The following XDH variants were observed in gnomAD, a reference collection of about 807,000 sequenced individuals.
XDH encodes the protein xanthine dehydrogenase/oxidase.
XDH carries 138 observed loss-of-function variants against 156.1 expected under a neutral mutation model. That is an observed-to-expected ratio of 0.88 (90% CI 0.77 to 1.02). The LOEUF (loss-of-function observed/expected upper bound fraction) is 1.02, where lower values mean the gene tolerates loss of function less well. XDH is among the 50% of genes least tolerant of loss of function. The probability of loss-of-function intolerance (pLI) is 0.00; values close to 1 mark genes in which losing one functional copy is unlikely to be tolerated. For missense variants in XDH, 1,849 were observed against 1,684.9 expected (o/e 1.10, Z -1.71); for synonymous variants, 669 against 625.7 (o/e 1.07, Z -1.03).
intron 30 of XDH, among the ~76,000 whole-genome samples, chr2:31,345,341 A>G (rs561474904): frequency 1.3e-5 from 2 of 152,302 alleles, no homozygotes; most frequent in East Asian, 1.9e-4. Flanking sequence ...GGTACTTCAC[A>G]TGTTCACCTT....
intron 24 of XDH, among the ~76,000 whole-genome samples, chr2:31,357,382 C>T (rs1282348691): frequency 1.3e-5 from 2 of 152,038 alleles, no homozygotes; most frequent in Non-Finnish European, 1.5e-5. Flanking sequence ...CACAAATTAC[C>T]AAATCAGGAT....
At chr2:31,385,892 A>G (rs1229404562) in intron 9 of XDH, among the ~76,000 whole-genome samples, 1 of 152,134 alleles carries the variant, frequency 6.6e-6, no homozygotes, top group Non-Finnish European at 1.5e-5. Flanking sequence ...AGCGACATTT[A>G]TGGAACCTCT....
chr2:31,344,423 T>C (rs45613632), intron 31 of XDH, among the ~76,000 whole-genome samples: 2,448 of 152,330 alleles, frequency 0.016, 63 homozygotes, highest in African/African-American at 0.057. Flanking sequence ...TGACTTCCTC[T>C]GGTGAAATTG....
chr2:31,412,469 C>A (rs964106618), intron 1 of XDH, among the ~76,000 whole-genome samples: 2 of 152,016 alleles, frequency 1.3e-5, no homozygotes, highest in Admixed American at 6.5e-5. Flanking sequence ...ACATCACACA[C>A]CGGGGCCTGT....
Position 31,365,486 on chromosome 2 carries a change from C to T in XDH, c.2515G>A (p.Gly839Ser). Residue 839 changes from glycine to serine, a missense_variant, in exon 23 of 36, where the codon GGC becomes AGC. Gly to Ser is a moderately conservative substitution (Grantham distance 56). Coordinates refer to ENST00000379416, the MANE Select transcript of XDH (RefSeq NM_000379.4). ...TATCTGGCCAGGAAGGGATGTCTGCCACCAGTTATCAGCATGTCCTCATCA... is the reference window on the plus strand; with the variant it reads ...TATCTGGCCAGGAAGGGATGTCTGCTACCAGTTATCAGCATGTCCTCATCA... ...DRDEDMLITG[G>S]RHPFLARYKV... 1.2e-6 allele frequency: 2 copies of T among 1,614,186 alleles called. No homozygotes were observed. The highest frequency in any genetic ancestry group is 1.7e-5 in the Admixed American group (1 of 60,022).
chr2:31,373,935 TG>T lies in XDH; in HGVS notation c.1623del (p.Thr542LeufsTer80). 6.2e-7 allele frequency: 1 copy of T among 1,613,848 alleles called. No individual in the cohort carries two copies. Among genetic ancestry groups the T allele is most frequent in the Non-Finnish European group, 8.5e-7 (1 of 1,179,880 alleles). On this transcript the variant is annotated frameshift_variant, in exon 16 of 36. Coordinates refer to ENST00000379416, the MANE Select transcript of XDH (RefSeq NM_000379.4). LOFTEE classifies it high-confidence loss of function. ...AACAGTAAAGTTGCACTGGCGAAAG[TG>T]GGGTCCAGTTTACCACACTTCTGTG... The part of the protein sequence containing the change: ...NLEDKCGKLD[P>X]TFASATLLFQ...
At chr2:31,347,903 A>G (rs1369422515) in intron 28 of XDH, among the ~76,000 whole-genome samples, 4 of 152,230 alleles carry the variant, frequency 2.6e-5, no homozygotes, top group African/African-American at 4.8e-5. Flanking sequence ...AAAAGATCCA[A>G]TCTGGCCAGT....
Position 31,349,835 on chromosome 2 carries a change from C to T in XDH, c.2824-4G>A, listed in dbSNP as rs1411442606. 2 of 1,613,818 alleles carry T rather than the reference C, an allele frequency of 1.2e-6. No homozygotes were observed. Among genetic ancestry groups the T allele is most frequent in the African/African-American group, 1.3e-5 (1 of 74,904 alleles). On this transcript the variant is annotated splice_polypyrimidine_tract_variant and splice_region_variant and intron_variant, in intron 25 of 35. Transcript: ENST00000379416. ...TGTACAGGTTTTTTCTCCGCACCTT[C>T]CCAAGGAGAGAGACACAGAGGCCTT...
At chr2:31,370,511 A>G (rs1414360483) in intron 17 of XDH, 33 bp from the exon 18 acceptor site, 8 of 1,613,014 alleles carry the variant, frequency 5.0e-6, no homozygotes, top group Non-Finnish European at 6.8e-6. Context: ...GGGCCAGGTC[A>G]GCAAGCTGGA....
chr2:31,352,872 T>C (rs1685520564), intron 24 of XDH, among the ~76,000 whole-genome samples: 1 of 146,302 alleles, frequency 6.8e-6, no homozygotes, highest in African/African-American at 2.5e-5. Context: ...CGGCTTTTCC[T>C]GAAAACTTTA....
chr2:31,398,699 C>T lies in XDH; in HGVS notation c.307G>A (p.Glu103Lys). ...STKTRLHPVQ[E>K]RIAKSHGSQC... ...GAGCCGTGGCTTTTGGCAATTCTCT[C>T]CTAAAAGATACAGATGACATAGACA... Residue 103 changes from glutamate (E) to lysine (K), a missense_variant and splice_region_variant, in exon 5 of 36, where the codon GAG (glutamate) becomes AAG (lysine). Transcript: ENST00000379416. The T allele has an allele frequency of 5.6e-6, 9 of 1,613,530 alleles. No homozygotes were observed. The highest frequency in any genetic ancestry group is 5.9e-6 in the Non-Finnish European group (7 of 1,179,678).
At chr2:31,337,931 C>T (rs1685012065) in intron 34 of XDH, 114 bp from the exon 35 acceptor site, 1 of 1,177,046 alleles carries the variant, frequency 8.5e-7, no homozygotes, top group Non-Finnish European at 1.2e-6. Flanking sequence ...GCTGGTGGCA[C>T]CAGGAAAGCA....
intron 2 of XDH, among the ~76,000 whole-genome samples, chr2:31,405,399 C>G (rs1572571649): frequency 6.6e-6 from 1 of 152,110 alleles, no homozygotes; most frequent in East Asian, 1.9e-4. Flanking sequence ...TCTAAGGAGT[C>G]CCCCCACCCT....
At chr2:31,395,159 T>C (rs1360724953) in intron 6 of XDH, among the ~76,000 whole-genome samples, 1 of 151,788 alleles carries the variant, frequency 6.6e-6, no homozygotes, top group African/African-American at 2.4e-5. Flanking sequence ...CTTTAGTTAA[T>C]GTATTGGTAA....
At chr2:31,364,028 G>T in intron 24 of XDH, 130 bp downstream of exon 24, 1 of 778,274 alleles carries the variant, frequency 1.3e-6, no homozygotes, top group Non-Finnish European at 2.2e-6. Flanking sequence ...TGGGAAACCT[G>T]AAGGTGGGGA....
Position 31,403,109 on chromosome 2 carries a change from C to T in XDH, c.136G>A (p.Gly46Arg), listed in dbSNP as rs758425792. 6.2e-7 allele frequency: 1 copy of T among 1,614,066 alleles called. No homozygotes were observed. The highest frequency in any genetic ancestry group is 8.5e-7 in the Non-Finnish European group (1 of 1,180,040). The change falls in exon 3 of 36, where the codon GGG becomes AGG. Residue 46 changes from glycine to arginine, a missense_variant. Gly to Arg is a moderately radical substitution (Grantham distance 125). Coordinates refer to ENST00000379416, the MANE Select transcript of XDH (RefSeq NM_000379.4). ...ATCACTGTGCAAGCCCCGCAGCCCC[C>T]CTCTCCACAGCCGAGCTTGGTTCCA... ...LSGTKLGCGE[G>R]GCGACTVMLS...
chr2:31,340,072 A>T (rs957831193), intron 33 of XDH, among the ~76,000 whole-genome samples: 7 of 151,956 alleles, frequency 4.6e-5, no homozygotes, highest in Non-Finnish European at 7.4e-5. Flanking sequence ...TTGAACGCCC[A>T]CCCCTGCCTG....
chr2:31,370,443 C>A lies in XDH; in HGVS notation c.1892G>T (p.Gly631Val). 6.2e-7 allele frequency: 1 copy of A among 1,614,082 alleles called. No homozygotes were observed. The highest frequency in any genetic ancestry group is 8.5e-7 in the Non-Finnish European group (1 of 1,180,018). ...IDTSEAKKVPGFVCFISADDV... is the reference protein window; with the variant it reads ...IDTSEAKKVPVFVCFISADDV... Reference sequence around the variant, plus strand: ...ATCAGCGGAAATGAAACAAACAAACCCTGGAACCTTCTTAGCTTCTGATGT... The same window carrying A: ...ATCAGCGGAAATGAAACAAACAAACACTGGAACCTTCTTAGCTTCTGATGT... Residue 631 changes from glycine to valine, a missense_variant, in exon 18 of 36, where the codon GGG becomes GTG. Coordinates refer to ENST00000379416, the MANE Select transcript of XDH (RefSeq NM_000379.4).
intron 24 of XDH, among the ~76,000 whole-genome samples, chr2:31,354,538 A>G (rs188111596): frequency 6.6e-6 from 1 of 152,218 alleles, no homozygotes; most frequent in Non-Finnish European, 1.5e-5. Context: ...CTTGACAGAA[A>G]TAAAAAGCTT....
Sources: allele counts gnomAD v4.1 joint callset (sites outside exome capture counted in the v4.1 genomes callset), GRCh38; gene constraint gnomAD v4.1.1; transcripts MANE v1.5; gene names NCBI Gene and HGNC (gene_info 2026-07-23, HGNC 2026-07-21).